The following RABL3 variants were observed in gnomAD, a reference collection of about 807,000 sequenced individuals.
RABL3 encodes rab-like protein 3.
Under a neutral mutation model 31.8 loss-of-function variants are expected in RABL3, and 31 were observed. The ratio of observed to expected loss-of-function variants is 0.97; its 90% confidence interval spans 0.73 to 1.31. RABL3 has a LOEUF of 1.31. Among genes scored for constraint, RABL3 ranks in the 40% most tolerant of loss-of-function variants. The pLI is 0.00. For missense variants in RABL3, 263 were observed against 279.6 expected (o/e 0.94, Z 0.42); for synonymous variants, 97 against 99.9 (o/e 0.97, Z 0.18).
intron 2 of RABL3, among the ~76,000 whole-genome samples, chr3:120,726,847 G>A (rs1170379479): frequency 6.6e-6 from 1 of 151,968 alleles, no homozygotes; most frequent in Non-Finnish European, 1.5e-5. Flanking sequence ...TACAGTGTAT[G>A]TTCTCTAAGC....
At chr3:120,736,353 C>A (rs1708963376) in intron 1 of RABL3, among the ~76,000 whole-genome samples, 2 of 152,306 alleles carry the variant, frequency 1.3e-5, no homozygotes, top group Non-Finnish European at 2.9e-5. Context: ...TTATCAGAAA[C>A]TAGGATTGCA....
intron 1 of RABL3, among the ~76,000 whole-genome samples, chr3:120,735,484 T>C (rs895607999): frequency 1.3e-5 from 2 of 152,168 alleles, no homozygotes; most frequent in Non-Finnish European, 1.5e-5. Context: ...GTTGATCTTT[T>C]CAAAAAACCA....
intron 4 of RABL3, among the ~76,000 whole-genome samples, chr3:120,699,276 T>C (rs1708470324): frequency 1.3e-5 from 2 of 152,174 alleles, no homozygotes; most frequent in South Asian, 4.1e-4. Flanking sequence ...AGTTGTTTCC[T>C]GAAATGAGAG....
intron 2 of RABL3, among the ~76,000 whole-genome samples, chr3:120,726,240 G>A (rs931968463): frequency 2.0e-5 from 3 of 152,110 alleles, no homozygotes; most frequent in Non-Finnish European, 4.4e-5. Context: ...ATAACAAGGG[G>A]TGGAGAACAT....
intron 2 of RABL3, among the ~76,000 whole-genome samples, chr3:120,726,755 TTAAATAAA>T (rs548316065): frequency 1.3e-5 from 2 of 150,744 alleles, no homozygotes; most frequent in African/African-American, 4.9e-5. Context: ...AAAAAATAAA[TTAAATAAA>T]TAAATAAATA....
intron 2 of RABL3, among the ~76,000 whole-genome samples, chr3:120,711,914 T>C (rs1306599511): frequency 6.6e-6 from 1 of 152,210 alleles, no homozygotes; most frequent in Non-Finnish European, 1.5e-5. Flanking sequence ...GCCTAGATTC[T>C]ACTCCTTGAT....
At chr3:120,735,465 A>G (rs1036860419) in intron 1 of RABL3, among the ~76,000 whole-genome samples, 9 of 152,058 alleles carry the variant, frequency 5.9e-5, no homozygotes, top group Non-Finnish European at 8.8e-5. Flanking sequence ...CTAGTGGTCT[A>G]TCAATTTTGT....
rs149363320 is a variant in RABL3, at chr3:120,720,799, G to T, written c.138+9897C>A. ...TAGGAGAACTTCCCCAATCTAGCAA[G>T]GCAGGCCAACATTCAAATTCAGGAA... On this transcript the variant is annotated intron_variant, in intron 2 of 7. Coordinates refer to ENST00000273375, the MANE Select transcript of RABL3 (RefSeq NM_173825.5). Among the ~76,000 whole-genome samples the T allele has an allele frequency of 7.2e-3, 1,103 of 152,242 alleles. 9 individuals carry two copies. The highest frequency in any genetic ancestry group is 0.026 in the African/African-American group (1,068 of 41,524).
At chr3:120,720,410 C>A (rs1181592840) in intron 2 of RABL3, among the ~76,000 whole-genome samples, 1 of 152,080 alleles carries the variant, frequency 6.6e-6, no homozygotes, top group Non-Finnish European at 1.5e-5. Flanking sequence ...AAGTTCGAAC[C>A]CAAGGCAAAG....
At chr3:120,741,515 A>G (rs185580415) in intron 1 of RABL3, among the ~76,000 whole-genome samples, 1 of 152,290 alleles carries the variant, frequency 6.6e-6, no homozygotes, top group African/African-American at 2.4e-5. Flanking sequence ...GCGCTTCTAT[A>G]AAATGCAAGG....
At chr3:120,734,858 A>G (rs1302804609) in intron 1 of RABL3, among the ~76,000 whole-genome samples, 3 of 152,108 alleles carry the variant, frequency 2.0e-5, no homozygotes, top group Non-Finnish European at 2.9e-5. Flanking sequence ...ATTGATTTGC[A>G]CATGTTGAAC....
intron 2 of RABL3, among the ~76,000 whole-genome samples, chr3:120,722,863 C>T (rs1241019994): frequency 3.3e-5 from 5 of 152,192 alleles, no homozygotes; most frequent in South Asian, 2.1e-4. Context: ...CTAAAATTGA[C>T]ACCCTAACAT....
chr3:120,739,823 T>C (rs529746081), intron 1 of RABL3, among the ~76,000 whole-genome samples: 1 of 152,312 alleles, frequency 6.6e-6, no homozygotes, highest in Non-Finnish European at 1.5e-5. Flanking sequence ...GATGCAACAC[T>C]TGAGGCCTAG....
intron 1 of RABL3, among the ~76,000 whole-genome samples, chr3:120,733,154 G>A (rs889141693): frequency 6.6e-6 from 1 of 152,186 alleles, no homozygotes; most frequent in Non-Finnish European, 1.5e-5. Context: ...TTCCACAATG[G>A]ATGAACTAGT....
At chr3:120,732,832 G>A (rs909055489) in intron 1 of RABL3, among the ~76,000 whole-genome samples, 3 of 151,650 alleles carry the variant, frequency 2.0e-5, no homozygotes, top group African/African-American at 7.3e-5. Context: ...TTGTCCTTGC[G>A]ATAGTTTGCT....
intron 2 of RABL3, among the ~76,000 whole-genome samples, chr3:120,711,653 T>C (rs1708614062): frequency 6.6e-6 from 1 of 152,180 alleles, no homozygotes; most frequent in Non-Finnish European, 1.5e-5. Flanking sequence ...CTGCCTGTAC[T>C]GTATAACTAT....
chr3:120,701,824 A>T (rs1008341410), intron 4 of RABL3, among the ~76,000 whole-genome samples: 10 of 152,238 alleles, frequency 6.6e-5, no homozygotes, highest in Non-Finnish European at 1.3e-4. Context: ...GTTCTAGGTA[A>T]GACAGAATAA....
At chr3:120,690,343 C>A in intron 7 of RABL3, 106 bp downstream of exon 7, 1 of 735,984 alleles carries the variant, frequency 1.4e-6, no homozygotes. Flanking sequence ...GTTGCTTGTG[C>A]CTATAAAGGG....
intron 6 of RABL3, among the ~76,000 whole-genome samples, chr3:120,691,809 G>T (rs1277578171): frequency 6.6e-6 from 1 of 152,166 alleles, no homozygotes; most frequent in African/African-American, 2.4e-5. Flanking sequence ...TCCTCTGAAT[G>T]AGAACAGACC....
Sources: gnomAD v4.1 joint callset for allele counts (sites outside exome capture counted in the v4.1 genomes callset) on GRCh38, gnomAD v4.1.1 for gene constraint, MANE v1.5 for transcripts, NCBI Gene and HGNC (gene_info 2026-07-23, HGNC 2026-07-21) for gene names.